Variants in FNDC3A observed in about 807,000 individuals in gnomAD.
The protein encoded by FNDC3A is fibronectin type III domain containing 3A.
A neutral mutation model predicts 148.9 loss-of-function variants in FNDC3A; 32 were observed. The observed-to-expected ratio is 0.21, with a 90% confidence interval of 0.16 to 0.29. FNDC3A has a LOEUF of 0.29. FNDC3A is among the 10% of genes least tolerant of loss of function. The pLI, the probability that FNDC3A is intolerant of heterozygous loss-of-function variation, is 1.00. For synonymous variants in FNDC3A, 472 were observed against 473.6 expected (o/e 1.00, Z 0.04); for missense variants, 1,191 against 1,452.8 (o/e 0.82, Z 2.93).
At chr13:49,137,415 G>A (rs1223271546) in intron 6 of FNDC3A, among the ~76,000 whole-genome samples, 1 of 152,210 alleles carries the variant, frequency 6.6e-6, no homozygotes, top group Non-Finnish European at 1.5e-5. Flanking sequence ...CGCAATGTCA[G>A]CTCACTGCAA....
chr13:49,184,835 G>T (rs967082953), intron 14 of FNDC3A, among the ~76,000 whole-genome samples: 10 of 152,124 alleles, frequency 6.6e-5, no homozygotes, highest in Non-Finnish European at 1.5e-4. Context: ...TCACAGCAAG[G>T]CCTGATAGGT....
intron 2 of FNDC3A, among the ~76,000 whole-genome samples, chr13:49,038,851 A>G (rs538191825): frequency 1.6e-4 from 24 of 152,312 alleles, no homozygotes; most frequent in African/African-American, 5.5e-4. Flanking sequence ...TGCCATTCAT[A>G]AACATTTTTC....
intron 3 of FNDC3A, among the ~76,000 whole-genome samples, chr13:49,104,707 G>A (rs977389925): frequency 6.6e-6 from 1 of 152,150 alleles, no homozygotes; most frequent in African/African-American, 2.4e-5. Context: ...ACATGTCCTA[G>A]GGGATAGGGA....
rs537121521 is a variant in FNDC3A, at chr13:49,187,103, A to C, written c.1757-19A>C. 6.3e-7 allele frequency: 1 copy of C among 1,590,390 alleles called. No homozygotes were observed. Among genetic ancestry groups the C allele is most frequent in the Non-Finnish European group, 8.6e-7 (1 of 1,160,942 alleles). On this transcript the variant is annotated intron_variant, in intron 15 of 25. Coordinates refer to ENST00000492622, the MANE Select transcript of FNDC3A (RefSeq NM_001079673.2). ...GTTGTTTTGTACCTTGCCTAATACT[A>C]CTTTGCTTCTTTGGATAGATCCACC...
At chr13:49,029,221 A>C (rs1408151442) in intron 2 of FNDC3A, among the ~76,000 whole-genome samples, 4 of 152,178 alleles carry the variant, frequency 2.6e-5, no homozygotes, top group African/African-American at 7.2e-5. Context: ...AATACAAAGT[A>C]TTTTCTTCAA....
At chr13:49,106,862 A>G (rs761234466) in intron 3 of FNDC3A, among the ~76,000 whole-genome samples, 1 of 152,046 alleles carries the variant, frequency 6.6e-6, no homozygotes, top group Non-Finnish European at 1.5e-5. Flanking sequence ...AGTTATTTAC[A>G]TAAAAACATA....
chr13:49,132,223 A>T (rs772768560), intron 5 of FNDC3A, among the ~76,000 whole-genome samples: 17 of 152,224 alleles, frequency 1.1e-4, no homozygotes, highest in Non-Finnish European at 1.9e-4. Context: ...GGACAACTGC[A>T]ACAATGGCCT....
rs1886705548 is a variant in FNDC3A at position 49,207,477 on chromosome 13, C to T, written c.*82C>T. On this transcript the variant is annotated 3_prime_UTR_variant, in exon 26 of 26. Transcript: ENST00000492622. Reference sequence around the variant, plus strand: ...ATTTCTGTATTGCTTTTATAAAAAACAGTGGCATTTAGCACTGGCATTGAG... The same window carrying T: ...ATTTCTGTATTGCTTTTATAAAAAATAGTGGCATTTAGCACTGGCATTGAG... The T allele has an allele frequency of 3.1e-6, 3 of 957,530 alleles. No homozygotes were observed. In the Admixed American group the frequency reaches 8.1e-5, roughly 26 times the overall value. The allele number at this position is 957,530 out of a possible 1,614,324, so 59.3% of individuals were successfully genotyped here.
At chr13:49,207,045 C>A in intron 25 of FNDC3A, 36 bp from the exon 26 acceptor site, 1 of 1,492,740 alleles carries the variant, frequency 6.7e-7, no homozygotes. Context: ...GTCCAGCCTT[C>A]ACACGTAATT....
rs34834180 is a variant in FNDC3A, at chr13:49,203,107, C to CAAATTA, written c.3155-46_3155-41dup. The CAAATTA allele has an allele frequency of 1.5e-4, 185 of 1,271,818 alleles. 2 individuals carry two copies. The South Asian group carries it at 2.4e-3, about 17-fold the overall frequency. The allele number at this position is 1,271,818 out of a possible 1,614,324, so 78.8% of individuals were successfully genotyped here. A position where few individuals can be genotyped will look rare whatever the true frequency, so the allele number is the denominator to read the frequency against. The stretch of plus-strand genomic sequence containing the variant: ...TAAGACAAGTGTCTGCATGATGTAC[C>CAAATTA]AAATTAAAAATCAAGTGGAACAGAT... On this transcript the variant is annotated intron_variant, in intron 24 of 25. Transcript: ENST00000492622.
intron 3 of FNDC3A, among the ~76,000 whole-genome samples, chr13:49,091,402 T>C (rs1166925314): frequency 6.6e-6 from 1 of 151,178 alleles, no homozygotes; most frequent in East Asian, 1.9e-4. Flanking sequence ...AAAACAACTC[T>C]CTTAAAGATG....
In FNDC3A at chr13:49,133,629, G is replaced by A. The variant is rs575870026; in HGVS notation, c.490+2255G>A. On this transcript the variant is annotated intron_variant, in intron 5 of 25. Coordinates refer to ENST00000492622, the MANE Select transcript of FNDC3A (RefSeq NM_001079673.2). ...ACAATCCATATGGATTCTCAAAGTG[G>A]AATCTGATCCAGCATTTCACTGTTA... Among the ~76,000 whole-genome samples the A allele has an allele frequency of 4.6e-5, 7 of 152,292 alleles. No homozygotes were observed. The South Asian group carries it at 1.5e-3, about 32-fold the overall frequency.
chr13:49,187,741 C>CT (rs891749932), intron 16 of FNDC3A: 4,123 of 882,188 alleles, frequency 4.7e-3, no homozygotes, highest in Non-Finnish European at 5.4e-3. Flanking sequence ...TCACCAAGAC[C>CT]TTTTTTTTTT....
intron 3 of FNDC3A, among the ~76,000 whole-genome samples, chr13:49,086,551 T>C (rs575365677): frequency 6.6e-6 from 1 of 152,342 alleles, no homozygotes; most frequent in African/African-American, 2.4e-5. Context: ...CCACTGACTT[T>C]GCATTACAGC....
At chr13:48,984,264 A>G (rs1033897539) in intron 1 of FNDC3A, among the ~76,000 whole-genome samples, 1 of 152,226 alleles carries the variant, frequency 6.6e-6, no homozygotes, top group Non-Finnish European at 1.5e-5. Context: ...AAATTATTCT[A>G]TAAAGTCAAT....
chr13:48,988,904 C>T (rs1038285348), intron 1 of FNDC3A, among the ~76,000 whole-genome samples: 2 of 150,462 alleles, frequency 1.3e-5, no homozygotes, highest in Non-Finnish European at 3.0e-5. Flanking sequence ...AGCTATCAGA[C>T]ATGAAAACCT....
At chr13:48,977,712 T>C (rs1951628032) in intron 1 of FNDC3A, among the ~76,000 whole-genome samples, 1 of 152,222 alleles carries the variant, frequency 6.6e-6, no homozygotes, top group African/African-American at 2.4e-5. Flanking sequence ...CTACTAATCT[T>C]GCTTTCTAAT....
At position 49,187,509 on chromosome 13, in the gene FNDC3A, A is replaced by C. The variant is rs1006046381; in HGVS notation, c.1825+319A>C. ...TTTTAAGTAGTTGTTGTCTTACTAC[A>C]AGAAAGGGTGTAGCAAATGCAGATC... On this transcript the variant is annotated intron_variant, in intron 16 of 25. Coordinates refer to ENST00000492622, the MANE Select transcript of FNDC3A (RefSeq NM_001079673.2). 10 of 1,600,496 alleles carry C rather than the reference A, an allele frequency of 6.2e-6. No homozygotes were observed. The East Asian group carries it at 2.2e-4, about 36-fold the overall frequency.
intron 5 of FNDC3A, among the ~76,000 whole-genome samples, chr13:49,135,848 T>C (rs1311174185): frequency 6.6e-6 from 1 of 152,238 alleles, no homozygotes; most frequent in African/African-American, 2.4e-5. Flanking sequence ...TCTAAATCAT[T>C]TCTTTTGGCT....
Sources: gnomAD v4.1 joint callset for allele counts (sites outside exome capture counted in the v4.1 genomes callset) on GRCh38, gnomAD v4.1.1 for gene constraint, MANE v1.5 for transcripts, NCBI Gene and HGNC (gene_info 2026-07-23, HGNC 2026-07-21) for gene names.